IL34: variants seen among roughly 807,000 people sequenced by gnomAD.
The protein encoded by IL34 is interleukin-34.
IL34 carries 17 observed loss-of-function variants against 25.3 expected under a neutral mutation model. That is an observed-to-expected ratio of 0.67 (90% CI 0.46 to 1.01). The LOEUF is 1.01. Among genes scored for constraint, IL34 ranks in the 50% least tolerant of loss-of-function variants. The probability of loss-of-function intolerance (pLI) is 0.00; values close to 1 mark genes in which losing one functional copy is unlikely to be tolerated. For missense variants in IL34, 368 were observed against 312.9 expected, an observed-to-expected ratio of 1.18 and a Z score of -1.33; for synonymous variants, 174 against 140.9, an observed-to-expected ratio of 1.23 and a Z score of -1.66.
chr16:70,654,761 A>T, intron 2 of IL34, 90 bp downstream of exon 2: 1 of 1,472,698 alleles, frequency 6.8e-7, no homozygotes, highest in Non-Finnish European at 9.1e-7. Flanking sequence ...CCTTCTTAGG[A>T]CCTGTGTCAG....
At position 70,631,892 on chromosome 16, in the gene IL34, C is replaced by G. The variant is rs180940693; in HGVS notation, c.-400-14656C>G. Among the ~76,000 whole-genome samples the G allele has an allele frequency of 6.6e-5, 10 of 151,632 alleles. No homozygotes were observed. In the East Asian group the frequency reaches 1.9e-3, roughly 29 times the overall value. On this transcript the variant is annotated intron_variant, in intron 1 of 6. Transcript: ENST00000429149. ...TAATATTGATCCCAGGAGTTCAAGA[C>G]CAGCCTGGGTACCATGGCAAAACCC... is the stretch of plus-strand genomic sequence containing the variant.
chr16:70,603,618 G>T (rs1300016963), intron 1 of IL34, among the ~76,000 whole-genome samples: 1 of 152,098 alleles, frequency 6.6e-6, no homozygotes, highest in Admixed American at 6.6e-5. Flanking sequence ...TGTCACCCAG[G>T]CTGGAATACA....
intron 1 of IL34, among the ~76,000 whole-genome samples, chr16:70,648,552 T>TAAAAAAAA (rs56164163): frequency 5.5e-5 from 4 of 73,318 alleles, no homozygotes; most frequent in African/African-American, 2.7e-4. Context: ...ACCCTGTCTT[T>TAAAAAAAA]AAAAAAAAAA....
chr16:70,607,023 T>C (rs547968941), intron 1 of IL34, among the ~76,000 whole-genome samples: 4 of 152,382 alleles, frequency 2.6e-5, no homozygotes, highest in African/African-American at 9.6e-5. Flanking sequence ...ATTTTTGTTA[T>C]GTCGATCTGG....
chr16:70,605,817 C>A (rs925278180), intron 1 of IL34, among the ~76,000 whole-genome samples: 4 of 151,796 alleles, frequency 2.6e-5, no homozygotes, highest in Non-Finnish European at 5.9e-5. Context: ...ATTACAGGTG[C>A]CCGTCACCAC....
chr16:70,597,858 A>T (rs1332717943), intron 1 of IL34, among the ~76,000 whole-genome samples: 2 of 151,448 alleles, frequency 1.3e-5, no homozygotes, highest in African/African-American at 4.9e-5. Context: ...TTTTTTTGAG[A>T]TGGAGTTTTG....
At chr16:70,614,183 CAA>C (rs35356831) in intron 1 of IL34, among the ~76,000 whole-genome samples, 24 of 131,002 alleles carry the variant, frequency 1.8e-4, no homozygotes, top group Admixed American at 3.2e-4. Flanking sequence ...AACCCTGTCT[CAA>C]AAAAAAAAAA....
At chr16:70,607,180 C>G (rs922761439) in intron 1 of IL34, among the ~76,000 whole-genome samples, 1 of 152,100 alleles carries the variant, frequency 6.6e-6, no homozygotes, top group African/African-American at 2.4e-5. Flanking sequence ...CTGCTCACTG[C>G]AAGCTCTACC....
intron 1 of IL34, among the ~76,000 whole-genome samples, chr16:70,619,326 AGAG>A (rs2151835098): frequency 6.6e-6 from 1 of 152,194 alleles, no homozygotes; most frequent in African/African-American, 2.4e-5. Flanking sequence ...GGGGAATACA[AGAG>A]GAGACGCAAA....
At chr16:70,597,102 C>A (rs894498058) in intron 1 of IL34, among the ~76,000 whole-genome samples, 1 of 152,154 alleles carries the variant, frequency 6.6e-6, no homozygotes, top group African/African-American at 2.4e-5. Flanking sequence ...CCTTCTCCTC[C>A]GTTGTGCTCT....
intron 1 of IL34, among the ~76,000 whole-genome samples, chr16:70,591,359 G>A (rs1297693457): frequency 6.6e-6 from 1 of 152,030 alleles, no homozygotes; most frequent in Non-Finnish European, 1.5e-5. Context: ...TGACCACCAC[G>A]CTTATAGCTA....
chr16:70,652,196 C>T (rs1311533204), intron 1 of IL34, among the ~76,000 whole-genome samples: 1 of 152,064 alleles, frequency 6.6e-6, no homozygotes, highest in Non-Finnish European at 1.5e-5. Context: ...TGGCTCATGC[C>T]TGTAATCCCA....
At chr16:70,589,621 GAT>G (rs1491268739) in intron 1 of IL34, among the ~76,000 whole-genome samples, 243 of 136,274 alleles carry the variant, frequency 1.8e-3, no homozygotes, top group Non-Finnish European at 3.1e-3. Context: ...TTTTTACCAT[GAT>G]TTTTTTTTTT....
intron 1 of IL34, among the ~76,000 whole-genome samples, chr16:70,626,486 T>G (rs976607365): frequency 2.0e-5 from 3 of 152,178 alleles, no homozygotes. Flanking sequence ...AACCTCTGCC[T>G]CCCAGGTTCA....
intron 1 of IL34, among the ~76,000 whole-genome samples, chr16:70,580,342 A>C (rs1166913896): frequency 1.3e-5 from 2 of 152,266 alleles, no homozygotes; most frequent in Non-Finnish European, 2.9e-5. Context: ...TGTGCCCTTC[A>C]GAGTTTAGTC....
chr16:70,599,283 T>TTCTC (rs2050872017), intron 1 of IL34, among the ~76,000 whole-genome samples: 1 of 121,642 alleles, frequency 8.2e-6, no homozygotes, highest in Non-Finnish European at 1.7e-5. Context: ...CTTTCTTTCT[T>TTCTC]TCTTTCTTTC....
At chr16:70,597,850 T>G (rs748759808) in intron 1 of IL34, among the ~76,000 whole-genome samples, 18 of 152,096 alleles carry the variant, frequency 1.2e-4, no homozygotes, top group Non-Finnish European at 1.9e-4. Flanking sequence ...CAGTTCTTTT[T>G]TTTTGAGATG....
chr16:70,605,430 C>G (rs2050988268), intron 1 of IL34, among the ~76,000 whole-genome samples: 1 of 152,190 alleles, frequency 6.6e-6, no homozygotes, highest in African/African-American at 2.4e-5. Context: ...AGTGCATTCA[C>G]TGTGTTGTGT....
intron 1 of IL34, among the ~76,000 whole-genome samples, chr16:70,636,585 T>TCA (rs34816911): frequency 0.062 from 8,394 of 136,296 alleles, 271 homozygotes; most frequent in East Asian, 0.13. Context: ...GCAAACCCTG[T>TCA]CACACACACA....
Sources: gnomAD v4.1 joint callset for allele counts (sites outside exome capture counted in the v4.1 genomes callset) on GRCh38, gnomAD v4.1.1 for gene constraint, MANE v1.5 for transcripts, NCBI Gene and HGNC (gene_info 2026-07-23, HGNC 2026-07-21) for gene names.